Variants in BRMS1L observed in about 807,000 individuals in gnomAD.
BRMS1L encodes the protein BRMS1 like transcriptional repressor, also known as breast cancer metastasis-suppressor 1-like protein.
Under a neutral mutation model 50.3 loss-of-function variants are expected in BRMS1L, and 23 were observed. That is an observed-to-expected ratio of 0.46 (90% CI 0.33 to 0.65). The LOEUF (loss-of-function observed/expected upper bound fraction) is 0.65. Among genes scored for constraint, BRMS1L ranks in the 30% least tolerant of loss-of-function variants. The pLI, the probability that BRMS1L is intolerant of heterozygous loss-of-function variation, is 0.02. For synonymous variants in BRMS1L, 114 were observed against 126.9 expected, an observed-to-expected ratio of 0.90 and a Z score of 0.69; for missense variants, 286 against 386.1, an observed-to-expected ratio of 0.74 and a Z score of 2.17.
intron 9 of BRMS1L, among the ~76,000 whole-genome samples, chr14:35,868,366 G>C (rs2142066382): frequency 6.6e-6 from 1 of 152,158 alleles, no homozygotes; most frequent in South Asian, 2.1e-4. Flanking sequence ...ATGAATTTTT[G>C]GTGGACCTAA....
chr14:35,852,312 C>G (rs1286270064), intron 4 of BRMS1L, among the ~76,000 whole-genome samples: 2 of 152,184 alleles, frequency 1.3e-5, no homozygotes, highest in African/African-American at 4.8e-5. Context: ...CTCAAGTGAT[C>G]CTCCCAAGTC....
At chr14:35,842,262 T>C (rs2078076615) in intron 4 of BRMS1L, among the ~76,000 whole-genome samples, 1 of 152,194 alleles carries the variant, frequency 6.6e-6, no homozygotes, top group Non-Finnish European at 1.5e-5. Flanking sequence ...ATGCAGTTTC[T>C]TCATAGCGTT....
At chr14:35,855,889 T>G (rs560714415) in intron 4 of BRMS1L, among the ~76,000 whole-genome samples, 1 of 152,232 alleles carries the variant, frequency 6.6e-6, no homozygotes, top group African/African-American at 2.4e-5. Flanking sequence ...TAACTGAGGC[T>G]AATAGATGTT....
intron 4 of BRMS1L, among the ~76,000 whole-genome samples, chr14:35,855,681 A>G (rs980417680): frequency 6.6e-6 from 1 of 152,136 alleles, no homozygotes; most frequent in Non-Finnish European, 1.5e-5. Flanking sequence ...TATGTTTAAC[A>G]TGTTAATCTG....
intron 5 of BRMS1L, 73 bp from the exon 6 acceptor site, chr14:35,863,797 A>T: frequency 1.4e-6 from 2 of 1,380,026 alleles, no homozygotes; most frequent in Non-Finnish European, 2.0e-6. Flanking sequence ...AATAGCCACC[A>T]TAAAATTAGA....
At chr14:35,857,248 A>T (rs886374409) in intron 4 of BRMS1L, among the ~76,000 whole-genome samples, 25 of 142,668 alleles carry the variant, frequency 1.8e-4, no homozygotes, top group East Asian at 8.2e-4. Context: ...CTCAAAAAAA[A>T]AAATATATAT....
Position 35,830,288 on chromosome 14 carries a change from C to T in BRMS1L, c.143-1122C>T, listed in dbSNP as rs566066451. Among the ~76,000 whole-genome samples the T allele has an allele frequency of 2.3e-4, 35 of 152,104 alleles. No homozygotes were observed. The South Asian group carries it at 2.5e-3, about 11-fold the overall frequency. On this transcript the variant is annotated intron_variant, in intron 1 of 9. Transcript: ENST00000216807. ...TTCTCCATGTTGGTCAGGCTGGTCT[C>T]GAACTCCTGACCTCAGGTGATCCGC...
intron 3 of BRMS1L, among the ~76,000 whole-genome samples, 172 bp downstream of exon 3, chr14:35,833,277 G>C (rs774746348): frequency 1.7e-4 from 25 of 151,164 alleles, no homozygotes; most frequent in Middle Eastern, 3.4e-3. Context: ...AATACCTCTT[G>C]CTTTGCTCTG....
At chr14:35,864,755 G>A (rs538885459) in intron 6 of BRMS1L, among the ~76,000 whole-genome samples, 180 bp from the exon 7 acceptor site, 254 of 152,268 alleles carry the variant, frequency 1.7e-3, no homozygotes, top group African/African-American at 5.7e-3. Context: ...TATGACATCA[G>A]AAGTACTAGA....
chr14:35,833,623 A>C (rs1209671485), intron 3 of BRMS1L, among the ~76,000 whole-genome samples: 1 of 152,198 alleles, frequency 6.6e-6, no homozygotes, highest in Non-Finnish European at 1.5e-5. Flanking sequence ...CAAATAAACA[A>C]AGATGCACTA....
intron 4 of BRMS1L, among the ~76,000 whole-genome samples, chr14:35,846,833 C>T (rs1595667820): frequency 6.6e-6 from 1 of 152,156 alleles, no homozygotes; most frequent in Admixed American, 6.5e-5. Flanking sequence ...CGTTGTTCCT[C>T]ATAACACATT....
chr14:35,863,006 G>A lies in BRMS1L; in HGVS notation c.538+320G>A, dbSNP rs547042763. On this transcript the variant is annotated intron_variant, in intron 5 of 9. Transcript: ENST00000216807. Reference sequence around the variant, plus strand: ...TACAGTCCCAGCTATGCAGGAGACTGAGGCGGAAGCATCCTTTGATCCCAG... The same window carrying A: ...TACAGTCCCAGCTATGCAGGAGACTAAGGCGGAAGCATCCTTTGATCCCAG... Among the ~76,000 whole-genome samples the A allele has an allele frequency of 4.2e-3, 639 of 152,246 alleles. 9 individuals carry two copies. The highest frequency in any genetic ancestry group is 0.024 in the Middle Eastern group (7 of 294).
chr14:35,837,000 C>A (rs983094303), intron 4 of BRMS1L, among the ~76,000 whole-genome samples: 1 of 152,054 alleles, frequency 6.6e-6, no homozygotes, highest in African/African-American at 2.4e-5. Context: ...CTCTTTGTAG[C>A]AATTGTAAAT....
intron 4 of BRMS1L, among the ~76,000 whole-genome samples, chr14:35,835,609 G>A (rs1260230282): frequency 6.6e-6 from 1 of 152,188 alleles, no homozygotes; most frequent in Non-Finnish European, 1.5e-5. Context: ...TTAGGAGGCT[G>A]AGGCGAGAGG....
At chr14:35,862,340 G>A (rs1038537630) in intron 4 of BRMS1L, among the ~76,000 whole-genome samples, 75 of 152,174 alleles carry the variant, frequency 4.9e-4, no homozygotes, top group African/African-American at 1.8e-3. Flanking sequence ...ACCTCTAAAT[G>A]TACATCAGAC....
chr14:35,835,153 G>C (rs2077975010), intron 4 of BRMS1L, among the ~76,000 whole-genome samples: 1 of 152,064 alleles, frequency 6.6e-6, no homozygotes, highest in South Asian at 2.1e-4. Flanking sequence ...AAGTTTTGCA[G>C]CTGTTACTTT....
chr14:35,851,545 G>C (rs993403600), intron 4 of BRMS1L, among the ~76,000 whole-genome samples: 3 of 152,222 alleles, frequency 2.0e-5, no homozygotes, highest in African/African-American at 7.2e-5. Context: ...GGAAGGGCAA[G>C]AAGACAGGAG....
intron 9 of BRMS1L, among the ~76,000 whole-genome samples, chr14:35,869,916 T>C (rs2078467348): frequency 6.6e-6 from 1 of 152,110 alleles, no homozygotes; most frequent in African/African-American, 2.4e-5. Context: ...AATAGATCTT[T>C]TTATGTAAAG....
intron 4 of BRMS1L, among the ~76,000 whole-genome samples, chr14:35,855,016 A>G (rs1437074358): frequency 1.3e-5 from 2 of 152,258 alleles, no homozygotes; most frequent in Admixed American, 6.5e-5. Context: ...TATTTCCCTC[A>G]GGTGGATCTT....
Sources: allele counts gnomAD v4.1 joint callset (sites outside exome capture counted in the v4.1 genomes callset), GRCh38; gene constraint gnomAD v4.1.1; transcripts MANE v1.5; gene names NCBI Gene and HGNC (gene_info 2026-07-23, HGNC 2026-07-21).